The following KLRG2 variants were observed in gnomAD, a reference collection of about 807,000 sequenced individuals.
KLRG2 encodes killer cell lectin-like receptor subfamily G member 2.
KLRG2 carries 39 observed loss-of-function variants against 35.4 expected under a neutral mutation model. The ratio of observed to expected loss-of-function variants is 1.10; its 90% confidence interval spans 0.85 to 1.44. The LOEUF is 1.44. Ranked by LOEUF, KLRG2 falls within the 40% of genes most tolerant of loss-of-function variation. The pLI is 0.00. For synonymous variants in KLRG2, 283 were observed against 265.8 expected (o/e 1.06, Z -0.63); for missense variants, 632 against 570.9 (o/e 1.11, Z -1.09).
At chr7:139,432,373 A>G in the KLRG2 span, among the ~76,000 whole-genome samples, 3 of 152,152 alleles carry the variant, frequency 2.0e-5, no homozygotes, top group African/African-American at 7.2e-5. Context: ...AAAAGAAAAA[A>G]AAAAGTCTGC....
the KLRG2 span, among the ~76,000 whole-genome samples, chr7:139,429,819 C>T: frequency 6.6e-6 from 1 of 152,158 alleles, no homozygotes; most frequent in African/African-American, 2.4e-5. Context: ...TTTTCCCCAC[C>T]TTCCCCCCCC....
intron 1 of KLRG2, 75 bp downstream of exon 1, chr7:139,482,811 C>T: frequency 7.7e-7 from 1 of 1,300,764 alleles, no homozygotes; most frequent in Non-Finnish European, 9.8e-7. Flanking sequence ...CGGTCCAGGG[C>T]TGGGCGGGTG....
the KLRG2 span, among the ~76,000 whole-genome samples, chr7:139,446,346 T>G: frequency 2.4e-4 from 35 of 146,302 alleles, no homozygotes; most frequent in African/African-American, 7.5e-4. Context: ...GTTTTTTTTT[T>G]TTTTTTTTTT....
intron 3 of KLRG2, among the ~76,000 whole-genome samples, chr7:139,466,770 T>TA (rs1271800767): frequency 7.9e-6 from 1 of 126,546 alleles, no homozygotes; most frequent in Non-Finnish European, 1.6e-5. Flanking sequence ...AAGGGGGGGG[T>TA]ACTCTGTATA....
rs200693580 is a variant in KLRG2, at chr7:139,454,172, C to A, written c.1048G>T (p.Gly350Trp). Residue 350 changes from glycine to tryptophan, a missense_variant, in exon 4 of 5, where the codon GGG becomes TGG. Gly to Trp is a radical substitution (Grantham distance 184, BLOSUM62 -2). Transcript: ENST00000340940. Reference protein sequence around the residue: ...RYPVSRHSWVGAWRGPQGWHW... With the variant: ...RYPVSRHSWVWAWRGPQGWHW... ...CAGCCCTGGGGGCCTCGCCAGGCCC[C>A]CACCCAGGAGTGCCTGGAGACTGGG... 111 of 1,545,028 alleles carry A rather than the reference C, an allele frequency of 7.2e-5. 1 individual carries two copies. In the African/African-American group the frequency reaches 1.4e-3, roughly 19 times the overall value.
chr7:139,434,434 TCAACAGCCAAGCCCCTTTA>T, the KLRG2 span, among the ~76,000 whole-genome samples: 1 of 152,152 alleles, frequency 6.6e-6, no homozygotes, highest in South Asian at 2.1e-4. Context: ...GCTGGGAGCA[TCAACAGCCAAGCCCCTTTA>T]CACGGCAGTC....
In KLRG2 at chr7:139,480,149, C is replaced by T; in HGVS notation, c.856G>A (p.Ala286Thr). The change falls in exon 2 of 5, where the codon GCA becomes ACA. Residue 286 changes from alanine to threonine, a missense_variant. Transcript: ENST00000340940. Reference protein sequence around the residue: ...GVVIVVLASRAGARCQQCPPG... With the variant: ...GVVIVVLASRTGARCQQCPPG... ...GGGGACTGCAGGGACACCATACCTGCTCTTGAGGCCAGGACCACAATGACA... is the reference window on the plus strand; with the variant it reads ...GGGGACTGCAGGGACACCATACCTGTTCTTGAGGCCAGGACCACAATGACA... The T allele has an allele frequency of 1.9e-6, 3 of 1,610,506 alleles. No individual in the cohort carries two copies. The highest frequency in any genetic ancestry group is 2.5e-6 in the Non-Finnish European group (3 of 1,176,786).
At chr7:139,447,399 ATTC>A in the KLRG2 span, among the ~76,000 whole-genome samples, 1 of 133,270 alleles carries the variant, frequency 7.5e-6, no homozygotes, top group Non-Finnish European at 1.5e-5. Context: ...GACTTGGGTC[ATTC>A]TTTTTTTTTT....
chr7:139,480,000 T>C, intron 2 of KLRG2, 146 bp downstream of exon 2: 1 of 719,550 alleles, frequency 1.4e-6, no homozygotes, highest in Non-Finnish European at 2.4e-6. Flanking sequence ...GCACCCATTT[T>C]CCTTAACTTT....
intron 3 of KLRG2, among the ~76,000 whole-genome samples, chr7:139,469,695 C>T (rs1796724791): frequency 1.3e-5 from 2 of 152,212 alleles, no homozygotes; most frequent in Non-Finnish European, 2.9e-5. Context: ...CCACCCACCT[C>T]GGCCTCCCAA....
chr7:139,483,629 C>A lies in KLRG2; in HGVS notation c.14G>T (p.Trp5Leu). 1 of 1,555,008 alleles carries A rather than the reference C, an allele frequency of 6.4e-7. No homozygotes were observed. The highest frequency in any genetic ancestry group is 8.6e-7 in the Non-Finnish European group (1 of 1,159,700). Residue 5 changes from tryptophan to leucine, a missense_variant, in exon 1 of 5, where the codon TGG becomes TTG. By Grantham distance (61) the Trp-to-Leu change is moderately conservative. Coordinates refer to ENST00000340940, the MANE Select transcript of KLRG2 (RefSeq NM_198508.4). MEESWEAAPGGQAGA... is the reference protein window; with the variant it reads MEESLEAAPGGQAGA... Reference sequence around the variant, plus strand: ...GGCTTGGCCTCCGGGCGCAGCCTCCCAAGACTCCTCCATCCCGCGCGCCCC... The same window carrying A: ...GGCTTGGCCTCCGGGCGCAGCCTCCAAAGACTCCTCCATCCCGCGCGCCCC...
rs370021324 is a variant in KLRG2, at chr7:139,463,813, T to C, written c.1006-9599A>G. 1.7e-3 allele frequency among the ~76,000 whole-genome samples: 259 copies of C among 152,294 alleles called. 3 individuals carry two copies. Among genetic ancestry groups the C allele is most frequent in the Middle Eastern group, 0.01 (3 of 294 alleles). Reference sequence around the variant, plus strand: ...AGCTTCCTGGACCATCACAGATGCTTTGGGTAACTCTTATAGAGTGAAGGG... The same window carrying C: ...AGCTTCCTGGACCATCACAGATGCTCTGGGTAACTCTTATAGAGTGAAGGG... On this transcript the variant is annotated intron_variant, in intron 3 of 4. Transcript: ENST00000340940.
At chr7:139,434,271 T>C in the KLRG2 span, among the ~76,000 whole-genome samples, 2 of 152,260 alleles carry the variant, frequency 1.3e-5, no homozygotes, top group African/African-American at 4.8e-5. Context: ...AGAGCTCAAA[T>C]GTGGCCACAG....
chr7:139,427,499 T>C, the KLRG2 span, among the ~76,000 whole-genome samples: 2 of 152,186 alleles, frequency 1.3e-5, no homozygotes, highest in African/African-American at 4.8e-5. Context: ...TGATGCTCCT[T>C]TGGGAGACTG....
At chr7:139,464,113 T>C (rs929872912) in intron 3 of KLRG2, among the ~76,000 whole-genome samples, 2 of 152,158 alleles carry the variant, frequency 1.3e-5, no homozygotes, top group Admixed American at 6.6e-5. Context: ...CCACATCTCA[T>C]TGCTGCCTTT....
the KLRG2 span, among the ~76,000 whole-genome samples, chr7:139,445,202 T>C: frequency 0.39 from 59,401 of 151,822 alleles, 16,465 homozygotes; most frequent in African/African-American, 0.79. Context: ...TGCCTCAGCC[T>C]CCCGAGTAGC....
intron 1 of KLRG2, among the ~76,000 whole-genome samples, chr7:139,482,430 T>C (rs1008441084): frequency 2.0e-5 from 3 of 152,094 alleles, no homozygotes; most frequent in African/African-American, 7.2e-5. Flanking sequence ...TTCTCTCTTG[T>C]TGCCCAGGCT....
the KLRG2 span, among the ~76,000 whole-genome samples, chr7:139,441,071 G>A: frequency 3.9e-5 from 6 of 152,142 alleles, no homozygotes; most frequent in East Asian, 7.7e-4. Flanking sequence ...TGGCAAAAAC[G>A]CTGTCTCTAT....
intron 2 of KLRG2, 105 bp downstream of exon 2, chr7:139,480,041 T>C (rs1188003236): frequency 1.2e-6 from 1 of 847,860 alleles, no homozygotes; most frequent in Non-Finnish European, 2.0e-6. Context: ...TCGTGTTGCA[T>C]CTCCCAGTGT....
Sources: gnomAD v4.1 joint callset for allele counts (sites outside exome capture counted in the v4.1 genomes callset) on GRCh38, gnomAD v4.1.1 for gene constraint, MANE v1.5 for transcripts, NCBI Gene and HGNC (gene_info 2026-07-23, HGNC 2026-07-21) for gene names.